KALRN: variants seen among roughly 807,000 people sequenced by gnomAD.
KALRN encodes the protein kalirin.
In KALRN, 70 loss-of-function variants were observed where a neutral mutation model predicts 353.7. The ratio of observed to expected loss-of-function variants is 0.20; its 90% CI spans 0.16 to 0.24. The LOEUF (loss-of-function observed/expected upper bound fraction) is 0.24. KALRN is among the 10% of genes least tolerant of loss of function. KALRN has a pLI of 1.00. For missense variants in KALRN, 2,791 were observed against 3,756.7 expected (o/e 0.74, Z 6.72); for synonymous variants, 1,391 against 1,434.8 (o/e 0.97, Z 0.69).
At chr3:124,094,617 A>G in intron 1 of KALRN, 1 of 595,502 alleles carries the variant, frequency 1.7e-6, no homozygotes, top group South Asian at 1.9e-5. Context: ...CGGTCTGCAC[A>G]CGGCGTTGTT....
At chr3:124,207,664 G>T (rs576048410) in intron 1 of KALRN, among the ~76,000 whole-genome samples, 18 of 152,266 alleles carry the variant, frequency 1.2e-4, no homozygotes, top group African/African-American at 4.3e-4. Flanking sequence ...ATGACCTTGG[G>T]TGCATTATTT....
chr3:124,499,946 G>C (rs1279421263), intron 33 of KALRN, among the ~76,000 whole-genome samples: 1 of 152,066 alleles, frequency 6.6e-6, no homozygotes, highest in Non-Finnish European at 1.5e-5. Context: ...ATTTACTCTA[G>C]TGTGTAATTT....
intron 3 of KALRN, among the ~76,000 whole-genome samples, chr3:124,260,566 T>A (rs1560389882): frequency 6.6e-6 from 1 of 152,138 alleles, no homozygotes; most frequent in Admixed American, 6.5e-5. Flanking sequence ...GAGATACCCA[T>A]GGGCCCAGGA....
chr3:124,570,273 T>C (rs185382403), intron 34 of KALRN, among the ~76,000 whole-genome samples: 14 of 152,338 alleles, frequency 9.2e-5, no homozygotes, highest in Non-Finnish European at 1.9e-4. Context: ...CGAAGTGACA[T>C]GTTATAAATT....
intron 18 of KALRN, among the ~76,000 whole-genome samples, 165 bp from the exon 19 acceptor site, chr3:124,441,780 C>T (rs1319520747): frequency 6.6e-6 from 1 of 151,280 alleles, no homozygotes; most frequent in East Asian, 1.9e-4. Context: ...GAGCTATGAT[C>T]ATGCCACTGC....
At position 124,697,702 on chromosome 3, in the gene KALRN, C is replaced by T. The variant is rs768300875; in HGVS notation, c.7809C>T (p.Tyr2603=). Reference sequence around the variant, plus strand: ...CAGGAAACTGCACTATTTCTGGTTACACTGTGGAGTACAGAGAGGAAGGTG... The same window carrying T: ...CAGGAAACTGCACTATTTCTGGTTATACTGTGGAGTACAGAGAGGAAGGTG... ...SSTGNCTISG[Y]TVEYREEGSQ... Residue 2603 remains tyrosine (Y), a synonymous_variant, in exon 55 of 60, where the codon TAC becomes TAT. Coordinates refer to ENST00000682506, the MANE Select transcript of KALRN (RefSeq NM_001388419.1). 2 of 1,592,456 alleles carry T rather than the reference C, an allele frequency of 1.3e-6. No individual in the cohort carries two copies. The highest frequency in any genetic ancestry group is 1.7e-5 in the Admixed American group (1 of 57,246).
chr3:124,494,975 C>T (rs1478534148), intron 32 of KALRN, among the ~76,000 whole-genome samples: 1 of 152,218 alleles, frequency 6.6e-6, no homozygotes, highest in Non-Finnish European at 1.5e-5. Context: ...ACATCTCCCC[C>T]AGCTTTTCCT....
At chr3:124,704,131 C>G (rs959244585) in intron 57 of KALRN, among the ~76,000 whole-genome samples, 1 of 152,116 alleles carries the variant, frequency 6.6e-6, no homozygotes, top group Non-Finnish European at 1.5e-5. Context: ...CTCATCATAT[C>G]GATTATTGTC....
intron 3 of KALRN, among the ~76,000 whole-genome samples, chr3:124,244,411 A>C (rs375619294): frequency 6.6e-6 from 1 of 151,974 alleles, no homozygotes; most frequent in Non-Finnish European, 1.5e-5. Flanking sequence ...TAATTTTTGT[A>C]TTTTTAGTAG....
intron 33 of KALRN, among the ~76,000 whole-genome samples, chr3:124,543,477 A>AT (rs2069282322): frequency 6.6e-6 from 1 of 151,666 alleles, no homozygotes; most frequent in African/African-American, 2.4e-5. Flanking sequence ...AATTTTTTAT[A>AT]TTTTTAGTAG....
In KALRN at chr3:124,693,394, A is replaced by G. The variant is rs542112475; in HGVS notation, c.7378-410A>G. Reference sequence around the variant, plus strand: ...CAGTTTGATAGGTCTCAGGTCCTCTATTTTTGAGTTTATGATGCTAGGAAG... The same window carrying G: ...CAGTTTGATAGGTCTCAGGTCCTCTGTTTTTGAGTTTATGATGCTAGGAAG... On this transcript the variant is annotated intron_variant, in intron 51 of 59. Transcript: ENST00000682506. Among the ~76,000 whole-genome samples, 6 of 152,234 alleles carry G rather than the reference A, an allele frequency of 3.9e-5. No homozygotes were observed. The South Asian group carries it at 6.2e-4, about 16-fold the overall frequency.
Position 124,385,167 on chromosome 3 carries a change from T to C in KALRN, c.1962+131T>C, listed in dbSNP as rs1576481420. The C allele has an allele frequency of 5.8e-6, 4 of 691,874 alleles. No individual in the cohort carries two copies. The Admixed American group carries it at 1.3e-4, about 22-fold the overall frequency. 42.9% of individuals were successfully genotyped at this position (691,874 alleles called of 1,614,324 possible). A position where few individuals can be genotyped will look rare whatever the true frequency, so the allele number is the denominator to read the frequency against. On this transcript the variant is annotated intron_variant, in intron 11 of 59. Coordinates refer to ENST00000682506, the MANE Select transcript of KALRN (RefSeq NM_001388419.1). ...GTTACTAACTTCCTAACTTTGGTAATATTAACAATTCATTCCTGATAGCCT... is the reference window on the plus strand; with the variant it reads ...GTTACTAACTTCCTAACTTTGGTAACATTAACAATTCATTCCTGATAGCCT...
chr3:124,180,296 T>C (rs1397700561), intron 1 of KALRN, among the ~76,000 whole-genome samples: 1 of 152,198 alleles, frequency 6.6e-6, no homozygotes, highest in Non-Finnish European at 1.5e-5. Flanking sequence ...GTCTCCATCC[T>C]CCAGCTCCTA....
At chr3:124,059,270 A>C (rs1016492520) in intron 1 of KALRN, among the ~76,000 whole-genome samples, 8 of 152,194 alleles carry the variant, frequency 5.3e-5, no homozygotes, top group Non-Finnish European at 8.8e-5. Context: ...ATAAATGAAA[A>C]GTATTTTCTT....
chr3:124,156,586 C>T (rs902080702), intron 1 of KALRN, among the ~76,000 whole-genome samples: 9 of 152,152 alleles, frequency 5.9e-5, no homozygotes, highest in Non-Finnish European at 2.9e-5. Context: ...GTCCTATTAA[C>T]CAGCAAGACT....
chr3:124,662,604 T>G (rs1431309925), intron 45 of KALRN, among the ~76,000 whole-genome samples: 1 of 152,194 alleles, frequency 6.6e-6, no homozygotes, highest in African/African-American at 2.4e-5. Flanking sequence ...GTTAAATGAA[T>G]AGTTAAAACT....
chr3:124,559,128 G>A (rs2071628517), intron 33 of KALRN, among the ~76,000 whole-genome samples: 1 of 152,280 alleles, frequency 6.6e-6, no homozygotes, highest in South Asian at 2.1e-4. Context: ...CCTTATGTAT[G>A]TAGCGGTCCA....
chr3:124,334,455 A>G lies in KALRN; in HGVS notation c.1607A>G (p.Gln536Arg). 1 of 1,613,956 alleles carries G rather than the reference A, an allele frequency of 6.2e-7. No homozygotes were observed. The highest frequency in any genetic ancestry group is 8.5e-7 in the Non-Finnish European group (1 of 1,179,868). The change falls in exon 9 of 60, where the codon CAG (glutamine) becomes CGG (arginine). Residue 536 changes from glutamine to arginine, a missense_variant. Around this residue, in one of 11 missense-constraint regions of KALRN, gnomAD observed 366 missense variants for 489.2 expected, o/e 0.75. Coordinates refer to ENST00000682506, the MANE Select transcript of KALRN (RefSeq NM_001388419.1). The surrounding 1 kb of genome is among the most constrained non-coding windows in gnomAD (Gnocchi z 4.2). ...CAGCACCGCAAGGTGCGGCTCCACC[A>G]GCGGCTGCAGCTCTGCGTCTTCCAG... is the stretch of plus-strand genomic sequence containing the variant. Reference protein sequence around the residue: ...IWQHRKVRLHQRLQLCVFQQD... With the variant: ...IWQHRKVRLHRRLQLCVFQQD...
chr3:124,549,985 A>G (rs2070267845), intron 33 of KALRN, among the ~76,000 whole-genome samples: 2 of 152,156 alleles, frequency 1.3e-5, no homozygotes, highest in African/African-American at 2.4e-5. Flanking sequence ...GAATGCCAGG[A>G]CAAGGATGGC....
Sources: gnomAD v4.1 joint callset for allele counts (sites outside exome capture counted in the v4.1 genomes callset) on GRCh38, gnomAD v4.1.1 for gene constraint, gnomAD v4.1.1 regional missense constraint, Gnocchi (gnomAD v3.1) non-coding constraint, MANE v1.5 for transcripts, NCBI Gene and HGNC (gene_info 2026-07-23, HGNC 2026-07-21) for gene names.